Variants in SDK1 observed in about 807,000 individuals in gnomAD.
The protein encoded by SDK1 is sidekick cell adhesion molecule 1.
In SDK1, 157 loss-of-function variants were observed where a neutral mutation model predicts 245.5. That is an observed-to-expected ratio of 0.64 (90% CI 0.56 to 0.73). SDK1 has a LOEUF of 0.73. SDK1 is among the 30% of genes least tolerant of loss of function. SDK1 has a pLI of 0.00. For synonymous variants in SDK1, 1,647 were observed against 1,278.5 expected (o/e 1.29, Z -6.15); for missense variants, 3,583 against 3,002.3 (o/e 1.19, Z -4.52).
At chr7:4,069,467 A>G (rs901602758) in intron 20 of SDK1, among the ~76,000 whole-genome samples, 2 of 152,118 alleles carry the variant, frequency 1.3e-5, no homozygotes, top group Admixed American at 1.3e-4. Context: ...GCCGCACCCC[A>G]AGGTTGAGTG....
At chr7:3,557,314 C>G (rs1025941355) in intron 1 of SDK1, among the ~76,000 whole-genome samples, 1 of 152,194 alleles carries the variant, frequency 6.6e-6, no homozygotes. Flanking sequence ...CAAGATTACA[C>G]TCACACATTT....
chr7:3,951,530 C>T (rs528303519), intron 6 of SDK1, among the ~76,000 whole-genome samples, 200 bp from the exon 7 acceptor site: 13 of 152,140 alleles, frequency 8.5e-5, no homozygotes, highest in Non-Finnish European at 1.6e-4. Context: ...GCTTAATAGC[C>T]CTTGAGCAGA....
At chr7:3,911,676 G>T (rs1021527719) in intron 5 of SDK1, among the ~76,000 whole-genome samples, 1 of 152,154 alleles carries the variant, frequency 6.6e-6, no homozygotes, top group African/African-American at 2.4e-5. Context: ...CTTACAGCCG[G>T]TGGTAGCCCA....
chr7:3,691,099 C>T (rs985759569), intron 4 of SDK1, among the ~76,000 whole-genome samples: 12 of 152,316 alleles, frequency 7.9e-5, no homozygotes, highest in African/African-American at 2.4e-4. Context: ...TATCATTTGA[C>T]AGGAAGCTTA....
chr7:3,347,563 T>G (rs986731853), intron 1 of SDK1, among the ~76,000 whole-genome samples: 3 of 152,192 alleles, frequency 2.0e-5, no homozygotes, highest in African/African-American at 7.2e-5. Context: ...TCAACCTCCC[T>G]GTTTCATTTC....
At chr7:4,022,886 G>A (rs967857608) in intron 17 of SDK1, among the ~76,000 whole-genome samples, 13 of 150,324 alleles carry the variant, frequency 8.6e-5, no homozygotes, top group African/African-American at 3.2e-4. Context: ...CCGTTCTCCT[G>A]CCTCAGCCTC....
At chr7:4,121,725 G>C (rs1001369310) in intron 25 of SDK1, among the ~76,000 whole-genome samples, 1 of 152,128 alleles carries the variant, frequency 6.6e-6, no homozygotes, top group Non-Finnish European at 1.5e-5. Context: ...TTCATGTTCT[G>C]TTCACTTGTT....
chr7:3,837,749 G>A (rs1374639848), intron 5 of SDK1, among the ~76,000 whole-genome samples: 2 of 151,264 alleles, frequency 1.3e-5, no homozygotes, highest in African/African-American at 2.5e-5. Context: ...TTACTGTTGT[G>A]ACTGAGGAAG....
intron 4 of SDK1, among the ~76,000 whole-genome samples, chr7:3,747,959 A>G (rs1013931054): frequency 6.6e-6 from 1 of 152,160 alleles, no homozygotes; most frequent in African/African-American, 2.4e-5. Context: ...ACTGATACGA[A>G]AAATAATGTT....
chr7:4,186,377 G>T (rs1310152079), intron 35 of SDK1, among the ~76,000 whole-genome samples: 1 of 152,196 alleles, frequency 6.6e-6, no homozygotes, highest in Admixed American at 6.5e-5. Context: ...GACCCCTCGT[G>T]CACCTTTGTT....
chr7:4,230,290 G>A (rs961580411), intron 40 of SDK1, among the ~76,000 whole-genome samples: 15 of 151,436 alleles, frequency 9.9e-5, no homozygotes, highest in Admixed American at 5.3e-4. Context: ...TGGATGGGTG[G>A]ATGGATGAAT....
intron 44 of SDK1, among the ~76,000 whole-genome samples, chr7:4,264,177 TG>T (rs1289080094): frequency 8.7e-6 from 1 of 114,316 alleles, no homozygotes; most frequent in African/African-American, 3.5e-5. Flanking sequence ...CTCTCCTGAG[TG>T]GGGGAGGCCG....
At chr7:3,926,256 C>T (rs1331973414) in intron 5 of SDK1, among the ~76,000 whole-genome samples, 1 of 152,076 alleles carries the variant, frequency 6.6e-6, no homozygotes, top group African/African-American at 2.4e-5. Context: ...AAACCCTCAG[C>T]CAGAAGGAAT....
At position 3,597,867 on chromosome 7, in the gene SDK1, G is replaced by A. The variant is rs563038325; in HGVS notation, c.299-21213G>A. Among the ~76,000 whole-genome samples, 24 of 152,260 alleles carry A rather than the reference G, an allele frequency of 1.6e-4. No individual in the cohort carries two copies. In the South Asian group the frequency reaches 4.6e-3, roughly 29 times the overall value. ...GATGTACGTCTCTGTCGTTTTCCAT[G>A]TAGGGCACTATAAATAACAGTACTT... On this transcript the variant is annotated intron_variant, in intron 1 of 44. Coordinates refer to ENST00000404826, the MANE Select transcript of SDK1 (RefSeq NM_152744.4).
intron 1 of SDK1, among the ~76,000 whole-genome samples, chr7:3,600,487 T>C: frequency 6.6e-6 from 1 of 152,200 alleles, no homozygotes; most frequent in East Asian, 1.9e-4. Context: ...CATCCTTGAT[T>C]CATTACCAAG....
intron 1 of SDK1, among the ~76,000 whole-genome samples, chr7:3,518,282 G>T (rs1184955015): frequency 6.6e-6 from 1 of 151,886 alleles, no homozygotes; most frequent in African/African-American, 2.4e-5. Flanking sequence ...ATTGATCTGG[G>T]AAATAATTTT....
At chr7:3,631,695 CTG>C (rs1278645710) in intron 2 of SDK1, among the ~76,000 whole-genome samples, 2 of 152,158 alleles carry the variant, frequency 1.3e-5, no homozygotes, top group Non-Finnish European at 2.9e-5. Flanking sequence ...TGGAGAATCT[CTG>C]AGGCAGAATT....
chr7:4,255,962 C>T lies in SDK1; in HGVS notation c.6382-9162C>T, dbSNP rs1050617337. Among the ~76,000 whole-genome samples the T allele has an allele frequency of 9.6e-5, 14 of 146,142 alleles. No homozygotes were observed. The East Asian group carries it at 2.4e-3, about 25-fold the overall frequency. On this transcript the variant is annotated intron_variant, in intron 44 of 44. Coordinates refer to ENST00000404826, the MANE Select transcript of SDK1 (RefSeq NM_152744.4). ...TGAGAGGGAGTCTTGCTCTGTCACC[C>T]GGGCTGGAGTGCAGTGGTGCGATCT...
At chr7:3,321,243 A>G (rs1038884721) in intron 1 of SDK1, among the ~76,000 whole-genome samples, 1 of 152,246 alleles carries the variant, frequency 6.6e-6, no homozygotes, top group Non-Finnish European at 1.5e-5. Context: ...GAAACGTCAA[A>G]ATCAAAGTGA....
Sources: allele counts gnomAD v4.1 joint callset (sites outside exome capture counted in the v4.1 genomes callset), GRCh38; gene constraint gnomAD v4.1.1; transcripts MANE v1.5; gene names NCBI Gene and HGNC (gene_info 2026-07-23, HGNC 2026-07-21).